SLC9A9: variants seen among roughly 807,000 people sequenced by gnomAD.
SLC9A9 encodes the protein solute carrier family 9 member A9.
Under a neutral mutation model 77.8 loss-of-function variants are expected in SLC9A9, and 62 were observed. That is an observed-to-expected ratio of 0.80 (90% CI 0.65 to 0.98). The LOEUF is 0.98. Ranked by LOEUF, SLC9A9 falls within the 50% of genes least tolerant of loss-of-function variation. SLC9A9 has a pLI of 0.00. For missense variants in SLC9A9, 775 were observed against 774.9 expected, an observed-to-expected ratio of 1.00 and a Z score of 0.00; for synonymous variants, 320 against 283.5, an observed-to-expected ratio of 1.13 and a Z score of -1.29.
At chr3:143,712,085 C>A (rs530995046) in intron 4 of SLC9A9, among the ~76,000 whole-genome samples, 1 of 152,202 alleles carries the variant, frequency 6.6e-6, no homozygotes, top group East Asian at 1.9e-4. Flanking sequence ...TGAACTGAAA[C>A]GTACACCGTT....
chr3:143,640,619 G>A (rs1011522369), intron 6 of SLC9A9, among the ~76,000 whole-genome samples: 2 of 152,144 alleles, frequency 1.3e-5, no homozygotes, highest in African/African-American at 4.8e-5. Flanking sequence ...CCAGCACTTT[G>A]GGAGGCCAAG....
chr3:143,331,519 G>C (rs1227086876), intron 14 of SLC9A9, among the ~76,000 whole-genome samples: 1 of 152,218 alleles, frequency 6.6e-6, no homozygotes, highest in Admixed American at 6.5e-5. Context: ...GGTCTCTCCA[G>C]ATGGAAGTTT....
chr3:143,763,290 A>T (rs1033185467), intron 4 of SLC9A9, among the ~76,000 whole-genome samples: 1 of 152,160 alleles, frequency 6.6e-6, no homozygotes, highest in Non-Finnish European at 1.5e-5. Flanking sequence ...TTATAGCAAG[A>T]GCCATTTAGT....
intron 4 of SLC9A9, among the ~76,000 whole-genome samples, chr3:143,703,696 A>T (rs1933870458): frequency 6.6e-6 from 1 of 152,152 alleles, no homozygotes; most frequent in South Asian, 2.1e-4. Context: ...AAGTTAGTGG[A>T]ATAAATGAAA....
chr3:143,686,261 G>T (rs183050573), intron 5 of SLC9A9, among the ~76,000 whole-genome samples: 4 of 152,182 alleles, frequency 2.6e-5, no homozygotes, highest in Admixed American at 2.0e-4. Flanking sequence ...TATCAGAACT[G>T]TAAGACTGAA....
chr3:143,695,055 C>T (rs1468410608), intron 4 of SLC9A9, among the ~76,000 whole-genome samples: 2 of 152,078 alleles, frequency 1.3e-5, no homozygotes, highest in African/African-American at 2.4e-5. Context: ...TCTAAGAGGC[C>T]TCATTCTTGG....
At chr3:143,604,775 A>G (rs1486781351) in intron 6 of SLC9A9, among the ~76,000 whole-genome samples, 1 of 152,224 alleles carries the variant, frequency 6.6e-6, no homozygotes, top group Non-Finnish European at 1.5e-5. Flanking sequence ...AGAGAATAAT[A>G]AAGCCATTTA....
At chr3:143,290,560 T>C (rs1302485818) in intron 14 of SLC9A9, among the ~76,000 whole-genome samples, 5 of 152,192 alleles carry the variant, frequency 3.3e-5, no homozygotes, top group Admixed American at 6.5e-5. Context: ...TCTGATACGC[T>C]GTCAGCCATC....
chr3:143,685,119 G>A (rs945128190), intron 5 of SLC9A9, among the ~76,000 whole-genome samples: 1 of 152,038 alleles, frequency 6.6e-6, no homozygotes, highest in Non-Finnish European at 1.5e-5. Flanking sequence ...TATTCTAGTA[G>A]TCTTCTTAAA....
intron 9 of SLC9A9, among the ~76,000 whole-genome samples, chr3:143,518,545 T>C (rs552520971): frequency 6.6e-6 from 1 of 152,370 alleles, no homozygotes; most frequent in Non-Finnish European, 1.5e-5. Flanking sequence ...CTAAATTTTG[T>C]GTCCCTGATT....
intron 14 of SLC9A9, among the ~76,000 whole-genome samples, chr3:143,325,639 C>A (rs1313593827): frequency 6.6e-6 from 1 of 152,208 alleles, no homozygotes; most frequent in African/African-American, 2.4e-5. Context: ...GCCAGAGACA[C>A]CCTTGGAAGG....
At chr3:143,817,590 A>G (rs1409448794) in intron 2 of SLC9A9, among the ~76,000 whole-genome samples, 1 of 152,150 alleles carries the variant, frequency 6.6e-6, no homozygotes, top group African/African-American at 2.4e-5. Context: ...TTCTTACTTA[A>G]GTCTCTAATC....
chr3:143,494,477 G>A (rs1374740154), intron 10 of SLC9A9, among the ~76,000 whole-genome samples: 1 of 152,156 alleles, frequency 6.6e-6, no homozygotes, highest in Non-Finnish European at 1.5e-5. Context: ...GAAATTTTAG[G>A]GTTCAGCTGA....
At chr3:143,541,554 A>C (rs1238130198) in intron 9 of SLC9A9, among the ~76,000 whole-genome samples, 2 of 152,238 alleles carry the variant, frequency 1.3e-5, no homozygotes, top group Non-Finnish European at 2.9e-5. Flanking sequence ...TTTGTTACAC[A>C]GCAATATATA....
At position 143,574,203 on chromosome 3, in the gene SLC9A9, ATAAGT is replaced by A; in HGVS notation, c.895-15_895-11del. Reference sequence around the variant, plus strand: ...TGGTAAATTTGGTCAAGTGAGGAAGATAAGTTAAGGGAAACAACAACAGCTTTTAC... The same window carrying A: ...TGGTAAATTTGGTCAAGTGAGGAAGATAAGGGAAACAACAACAGCTTTTAC... On this transcript the variant is annotated splice_polypyrimidine_tract_variant and intron_variant, in intron 7 of 15. Transcript: ENST00000316549. 12 of 1,607,734 alleles carry A rather than the reference ATAAGT, an allele frequency of 7.5e-6. No homozygotes were observed. The highest frequency in any genetic ancestry group is 1.0e-5 in the Non-Finnish European group (12 of 1,174,946).
chr3:143,269,342 G>A (rs911203882), intron 14 of SLC9A9, among the ~76,000 whole-genome samples: 4 of 152,134 alleles, frequency 2.6e-5, no homozygotes, highest in Non-Finnish European at 5.9e-5. Context: ...CTGTACACAC[G>A]CGTAGCTTAA....
chr3:143,382,451 C>T (rs1214120102), intron 12 of SLC9A9, among the ~76,000 whole-genome samples: 2 of 152,108 alleles, frequency 1.3e-5, no homozygotes. Context: ...AGAAGGTGAC[C>T]TGGTACCTCT....
intron 14 of SLC9A9, among the ~76,000 whole-genome samples, chr3:143,310,998 T>G (rs78345528): frequency 0.02 from 3,005 of 152,304 alleles, 108 homozygotes; most frequent in African/African-American, 0.069. Context: ...AAGGTCAAGT[T>G]ACCCAAGGTT....
intron 6 of SLC9A9, among the ~76,000 whole-genome samples, chr3:143,586,163 C>T (rs572927849): frequency 1.1e-4 from 17 of 152,270 alleles, no homozygotes; most frequent in African/African-American, 3.6e-4. Context: ...GGGGTGGGGG[C>T]GGGGGAAATG....
Sources: allele counts gnomAD v4.1 joint callset (sites outside exome capture counted in the v4.1 genomes callset), GRCh38; gene constraint gnomAD v4.1.1; transcripts MANE v1.5; gene names NCBI Gene and HGNC (gene_info 2026-07-23, HGNC 2026-07-21).